GRB2: variants seen among roughly 807,000 people sequenced by gnomAD.
GRB2 encodes growth factor receptor bound protein 2, also known as growth factor receptor-bound protein 2.
Under a neutral mutation model 27.4 loss-of-function variants are expected in GRB2, and 2 were observed. That is an observed-to-expected ratio of 0.07 (90% CI 0.03 to 0.23). The LOEUF is 0.23. GRB2 is among the 10% of genes least tolerant of loss of function. GRB2 has a pLI of 1.00. For synonymous variants in GRB2, 94 were observed against 99.6 expected (o/e 0.94, Z 0.33); for missense variants, 102 against 282.4 (o/e 0.36, Z 4.58).
intron 2 of GRB2, among the ~76,000 whole-genome samples, chr17:75,347,313 C>G (rs936809969): frequency 1.3e-5 from 2 of 152,182 alleles, no homozygotes; most frequent in Non-Finnish European, 2.9e-5. Context: ...GGACTGAGAA[C>G]CCATCTTCCC....
chr17:75,389,367 A>G (rs1011549392), intron 2 of GRB2, among the ~76,000 whole-genome samples: 6 of 152,156 alleles, frequency 3.9e-5, no homozygotes, highest in Non-Finnish European at 7.4e-5. Flanking sequence ...TGCCAGTTTC[A>G]TCCTTCCTGA....
chr17:75,353,989 G>A (rs1007561774), intron 2 of GRB2, among the ~76,000 whole-genome samples: 33 of 150,454 alleles, frequency 2.2e-4, no homozygotes, highest in African/African-American at 4.9e-4. Context: ...GCAGTGAGCC[G>A]AGATCACACC....
chr17:75,344,743 C>G (rs1464887697), intron 2 of GRB2, among the ~76,000 whole-genome samples: 1 of 152,020 alleles, frequency 6.6e-6, no homozygotes, highest in Admixed American at 6.6e-5. Flanking sequence ...AGCAACTGTC[C>G]TTTTCATCCT....
At chr17:75,404,846 TAG>T (rs1302921031) in intron 1 of GRB2, 1 of 152,130 alleles carries the variant, frequency 6.6e-6, no homozygotes, top group South Asian at 2.1e-4. Context: ...CTTACAATCA[TAG>T]AGAGGGCGCG....
intron 2 of GRB2, among the ~76,000 whole-genome samples, chr17:75,381,689 C>A (rs1402650562): frequency 1.4e-5 from 2 of 145,252 alleles, no homozygotes; most frequent in Non-Finnish European, 3.0e-5. Flanking sequence ...CCACTGCACT[C>A]CAGCCTGGGT....
intron 2 of GRB2, among the ~76,000 whole-genome samples, chr17:75,389,201 T>C (rs2078983409): frequency 6.6e-6 from 1 of 152,214 alleles, no homozygotes; most frequent in South Asian, 2.1e-4. Flanking sequence ...TTTTCCACTA[T>C]GTCAGTCTAG....
At chr17:75,353,261 T>A (rs932274944) in intron 2 of GRB2, among the ~76,000 whole-genome samples, 2 of 151,188 alleles carry the variant, frequency 1.3e-5, no homozygotes, top group African/African-American at 4.8e-5. Context: ...TATACCCAAA[T>A]CTGTGCATAC....
At chr17:75,327,647 TC>T (rs758473532) in intron 3 of GRB2, among the ~76,000 whole-genome samples, 2 of 148,572 alleles carry the variant, frequency 1.3e-5, no homozygotes, top group Non-Finnish European at 3.0e-5. Flanking sequence ...GGGATTAAAG[TC>T]GCGAGCCACC....
At chr17:75,382,359 G>T (rs2053156) in intron 2 of GRB2, among the ~76,000 whole-genome samples, 100,552 of 152,180 alleles carry the variant, frequency 0.66, 38,220 homozygotes, top group East Asian at 0.91. Context: ...CTTTCACTAT[G>T]TTACTGCTAA....
intron 1 of GRB2, among the ~76,000 whole-genome samples, chr17:75,396,904 T>G (rs974639854): frequency 6.6e-6 from 1 of 152,214 alleles, no homozygotes; most frequent in Non-Finnish European, 1.5e-5. Flanking sequence ...CAAGGTGCTA[T>G]GTAGTACGAC....
chr17:75,327,219 T>C (rs1020440777), intron 3 of GRB2, among the ~76,000 whole-genome samples: 2 of 149,780 alleles, frequency 1.3e-5, no homozygotes, highest in Admixed American at 1.3e-4. Context: ...GGACTATACA[T>C]AGGCGCCCGC....
chr17:75,336,007 C>T (rs780662575), intron 2 of GRB2, among the ~76,000 whole-genome samples: 3 of 152,140 alleles, frequency 2.0e-5, no homozygotes, highest in Non-Finnish European at 4.4e-5. Context: ...TGAACCCTGC[C>T]GGGCCACCAC....
At chr17:75,374,403 C>CAAAAA (rs56404809) in intron 2 of GRB2, among the ~76,000 whole-genome samples, 15 of 88,746 alleles carry the variant, frequency 1.7e-4, no homozygotes, top group South Asian at 4.3e-4. Context: ...GACTCCATAT[C>CAAAAA]AAAAAAAAAA....
chr17:75,350,714 G>A (rs183047896), intron 2 of GRB2, among the ~76,000 whole-genome samples: 1 of 152,018 alleles, frequency 6.6e-6, no homozygotes, highest in Non-Finnish European at 1.5e-5. Flanking sequence ...GGATGGTCTC[G>A]ATCTCCTGAC....
intron 2 of GRB2, among the ~76,000 whole-genome samples, chr17:75,366,289 G>C (rs922372756): frequency 6.6e-6 from 1 of 150,700 alleles, no homozygotes; most frequent in Non-Finnish European, 1.5e-5. Context: ...GTGTAGGCTA[G>C]TATAACACAT....
At chr17:75,369,849 C>A (rs1465495609) in intron 2 of GRB2, among the ~76,000 whole-genome samples, 1 of 109,444 alleles carries the variant, frequency 9.1e-6, no homozygotes. Flanking sequence ...AACAGAGACT[C>A]CGTCTCAAAA....
At chr17:75,345,827 C>T (rs1290327607) in intron 2 of GRB2, among the ~76,000 whole-genome samples, 1 of 152,040 alleles carries the variant, frequency 6.6e-6, no homozygotes, top group Admixed American at 6.6e-5. Flanking sequence ...GGGACCTAAA[C>T]TAGTCTCGGG....
intron 2 of GRB2, among the ~76,000 whole-genome samples, chr17:75,374,272 C>T (rs903888085): frequency 4.6e-5 from 7 of 151,444 alleles, no homozygotes; most frequent in East Asian, 3.9e-4. Flanking sequence ...GACGTAGTGG[C>T]GGGCGCCTAT....
At chr17:75,363,295 G>A (rs1316219094) in intron 2 of GRB2, among the ~76,000 whole-genome samples, 2 of 152,058 alleles carry the variant, frequency 1.3e-5, no homozygotes, top group African/African-American at 2.4e-5. Flanking sequence ...CCAGGTCACA[G>A]GTCACCTCTA....
Sources: allele counts gnomAD v4.1 joint callset (sites outside exome capture counted in the v4.1 genomes callset), GRCh38; gene constraint gnomAD v4.1.1; transcripts MANE v1.5; gene names NCBI Gene and HGNC (gene_info 2026-07-23, HGNC 2026-07-21).